IQSEC3: variants seen among roughly 807,000 people sequenced by gnomAD.
IQSEC3 encodes the protein IQ motif and Sec7 domain ArfGEF 3.
In IQSEC3, 50 loss-of-function variants were observed where a neutral mutation model predicts 105.4. The observed-to-expected ratio is 0.47, with a 90% CI of 0.38 to 0.60. The LOEUF (loss-of-function observed/expected upper bound fraction) is 0.60, where lower values mean the gene tolerates loss of function less well. IQSEC3 is among the 20% of genes least tolerant of loss of function. IQSEC3 has a pLI of 0.00. For missense variants in IQSEC3, 1,415 were observed against 1,630.0 expected, an observed-to-expected ratio of 0.87 and a Z score of 2.27; for synonymous variants, 708 against 746.0, an observed-to-expected ratio of 0.95 and a Z score of 0.83.
intron 1 of IQSEC3, among the ~76,000 whole-genome samples, chr12:74,446 AG>A (rs1863440479): frequency 1.3e-5 from 2 of 152,282 alleles, no homozygotes; most frequent in Admixed American, 6.5e-5. Context: ...CCATAGGCAA[AG>A]ACTGCTGATG....
At chr12:172,250 C>T (rs1223873990) in intron 13 of IQSEC3, among the ~76,000 whole-genome samples, 13 of 149,380 alleles carry the variant, frequency 8.7e-5, no homozygotes, top group Non-Finnish European at 1.8e-4. Context: ...ACACCCGTGT[C>T]TGGAGGAGGC....
At chr12:106,599 G>A (rs1555077968) in intron 2 of IQSEC3, 1 of 152,262 alleles carries the variant, frequency 6.6e-6, no homozygotes, top group Non-Finnish European at 1.5e-5. Context: ...AGTGAGAGAT[G>A]CCACGAGGAA....
At position 138,572 on chromosome 12, in the gene IQSEC3, C is replaced by G. The variant is rs782619341; in HGVS notation, c.1209C>G (p.Thr403=). 1.3e-6 allele frequency: 2 copies of G among 1,586,742 alleles called. No individual in the cohort carries two copies. Among genetic ancestry groups the G allele is most frequent in the South Asian group, 1.1e-5 (1 of 88,940 alleles). ...TCACCGAGCTGGAGGACTCCTTCAC[C>G]GAGCAGGTGCAATCCCTGGCCAAGT... ...GTLTELEDSF[T]EQVQSLAKSI... is the part of the protein sequence containing the mutation. The change falls in exon 4 of 14, where the codon ACC becomes ACG. Residue 403 remains threonine, a synonymous_variant. Transcript: ENST00000538872. The surrounding 1 kb of genome is among the most constrained non-coding windows in gnomAD (Gnocchi z 7.1).
At chr12:128,218 G>A (rs1405612304) in intron 3 of IQSEC3, among the ~76,000 whole-genome samples, 3 of 142,760 alleles carry the variant, frequency 2.1e-5, no homozygotes, top group African/African-American at 9.2e-5. Context: ...GGGTGTCCCC[G>A]TCACAGCCCT....
At chr12:103,576 A>G (rs1208653252) in intron 2 of IQSEC3, among the ~76,000 whole-genome samples, 1 of 942 alleles carries the variant, frequency 1.1e-3, no homozygotes, top group Non-Finnish European at 1.6e-3. Flanking sequence ...GCTCAGGGGG[A>G]GGTGGGGGCT....
chr12:161,902 C>T (rs1555096350), intron 7 of IQSEC3, 24 bp from the exon 8 acceptor site: 1 of 1,564,226 alleles, frequency 6.4e-7, no homozygotes, highest in Non-Finnish European at 8.7e-7. Context: ...CCCACCACCA[C>T]CCCTGCCCAC....
chr12:149,981 C>T (rs183861045), intron 5 of IQSEC3, among the ~76,000 whole-genome samples: 90 of 152,278 alleles, frequency 5.9e-4, no homozygotes, highest in African/African-American at 2.1e-3. Context: ...AGCTATGATG[C>T]CAAGTTAGCA....
chr12:136,958 A>T (rs1329172695), intron 3 of IQSEC3, among the ~76,000 whole-genome samples: 1 of 152,140 alleles, frequency 6.6e-6, no homozygotes, highest in African/African-American at 2.4e-5. Context: ...AGGAGGACAG[A>T]GCCGAGAGGA....
intron 1 of IQSEC3, among the ~76,000 whole-genome samples, chr12:69,341 G>T (rs1477690183): frequency 6.6e-6 from 1 of 152,276 alleles, no homozygotes; most frequent in Non-Finnish European, 1.5e-5. Flanking sequence ...AGTTGGTCCT[G>T]CTCGGAATCC....
intron 2 of IQSEC3, among the ~76,000 whole-genome samples, chr12:109,350 T>A (rs939191922): frequency 1.3e-5 from 2 of 152,186 alleles, no homozygotes; most frequent in Non-Finnish European, 2.9e-5. Context: ...CTGGCCGTGT[T>A]GTCCTTTGAG....
rs782085564 is a variant in IQSEC3 at position 141,110 on chromosome 12, AC to A, written c.1992-9del. 5 of 1,223,602 alleles carry A rather than the reference AC, an allele frequency of 4.1e-6. No homozygotes were observed. The highest frequency in any genetic ancestry group is 4.4e-6 in the Non-Finnish European group (4 of 904,172). 75.8% of individuals were successfully genotyped at this position (1,223,602 alleles called of 1,614,324 possible). ...AGCTCACTCTCTACTGCTTCTCCCC[AC>A]CCCCACCTCCAGAAACCCCGACAAG... is the stretch of plus-strand genomic sequence containing the variant. On this transcript the variant is annotated splice_polypyrimidine_tract_variant and intron_variant, in intron 4 of 13. Coordinates refer to ENST00000538872, the MANE Select transcript of IQSEC3 (RefSeq NM_001170738.2).
chr12:76,538 A>G (rs879984953), intron 1 of IQSEC3, among the ~76,000 whole-genome samples: 41 of 152,354 alleles, frequency 2.7e-4, no homozygotes, highest in Non-Finnish European at 2.9e-4. Context: ...CAGCACTCCC[A>G]GTTCCTTTTC....
At chr12:145,276 C>T (rs1425089481) in intron 5 of IQSEC3, among the ~76,000 whole-genome samples, 1 of 152,136 alleles carries the variant, frequency 6.6e-6, no homozygotes, top group Non-Finnish European at 1.5e-5. Context: ...TTAGCTCTTT[C>T]TTTTCTTTTT....
chr12:136,967 G>A (rs909965173), intron 3 of IQSEC3, among the ~76,000 whole-genome samples: 2 of 152,140 alleles, frequency 1.3e-5, no homozygotes, highest in Non-Finnish European at 2.9e-5. Context: ...GAGCCGAGAG[G>A]AGGCACGCTG....
chr12:127,159 C>A (rs1003676465), intron 3 of IQSEC3, among the ~76,000 whole-genome samples: 1 of 152,220 alleles, frequency 6.6e-6, no homozygotes, highest in African/African-American at 2.4e-5. Context: ...ATTCACCTGG[C>A]TTTCTGATGA....
chr12:157,059 G>A lies in IQSEC3; in HGVS notation c.2188G>A (p.Glu730Lys), dbSNP rs1866713499. The A allele has an allele frequency of 6.2e-7, 1 of 1,607,420 alleles. No homozygotes were observed. Among genetic ancestry groups the A allele is most frequent in the South Asian group, 1.1e-5 (1 of 89,460 alleles). The change falls in exon 6 of 14, where the codon GAG becomes AAG. Residue 730 changes from glutamate to lysine, a missense_variant. By Grantham distance (56) the Glu-to-Lys change is moderately conservative. Coordinates refer to ENST00000538872, the MANE Select transcript of IQSEC3 (RefSeq NM_001170738.2). ...VVDEMDFSSMELDEALRKFQA... is the reference protein window; with the variant it reads ...VVDEMDFSSMKLDEALRKFQA... ...GGACGAGATGGACTTCTCCAGCATGGAGCTGGACGAGGCCCTGCGCAAGTT... is the reference window on the plus strand; with the variant it reads ...GGACGAGATGGACTTCTCCAGCATGAAGCTGGACGAGGCCCTGCGCAAGTT...
chr12:91,112 T>A (rs1565388274), intron 1 of IQSEC3, among the ~76,000 whole-genome samples: 4 of 152,162 alleles, frequency 2.6e-5, no homozygotes. Flanking sequence ...CTCAGCTTGG[T>A]GAAGGGAGGG....
At chr12:83,230 A>G (rs967647792) in intron 1 of IQSEC3, among the ~76,000 whole-genome samples, 8 of 152,202 alleles carry the variant, frequency 5.3e-5, no homozygotes, top group Non-Finnish European at 1.2e-4. Context: ...GGCCAGAATC[A>G]TATGTATACA....
At chr12:128,671 C>T (rs781895584) in intron 3 of IQSEC3, among the ~76,000 whole-genome samples, 6 of 152,128 alleles carry the variant, frequency 3.9e-5, no homozygotes, top group South Asian at 2.1e-4. Flanking sequence ...TAACAGTTCC[C>T]GAATCCCACC....
Sources: allele counts gnomAD v4.1 joint callset (sites outside exome capture counted in the v4.1 genomes callset), GRCh38; gene constraint gnomAD v4.1.1; non-coding constraint Gnocchi (gnomAD v3.1); transcripts MANE v1.5; gene names NCBI Gene and HGNC (gene_info 2026-07-23, HGNC 2026-07-21).